The following DNM3 variants were observed in gnomAD, a reference collection of about 807,000 sequenced individuals.
DNM3 encodes dynamin-3.
DNM3 carries 47 observed loss-of-function variants against 101.6 expected under a neutral mutation model. The ratio of observed to expected loss-of-function variants is 0.46; its 90% CI spans 0.37 to 0.59. The LOEUF (loss-of-function observed/expected upper bound fraction) is 0.59. Among genes scored for constraint, DNM3 ranks in the 20% least tolerant of loss-of-function variants. DNM3 has a pLI of 0.00. For missense variants in DNM3, 849 were observed against 1,085.7 expected (o/e 0.78, Z 3.06); for synonymous variants, 385 against 387.9 (o/e 0.99, Z 0.09).
chr1:172,400,468 C>A (rs115463862), intron 20 of DNM3, among the ~76,000 whole-genome samples: 2,021 of 151,662 alleles, frequency 0.013, 50 homozygotes, highest in African/African-American at 0.046. Context: ...AGGGGCAGGA[C>A]AGGAGAAAAG....
intron 10 of DNM3, among the ~76,000 whole-genome samples, chr1:172,054,538 G>A (rs540063354): frequency 6.6e-6 from 1 of 151,934 alleles, no homozygotes; most frequent in South Asian, 2.1e-4. Flanking sequence ...TAGCAACTGT[G>A]CCATTTACTG....
chr1:172,201,982 G>A (rs1261952241), intron 14 of DNM3, among the ~76,000 whole-genome samples: 5 of 152,182 alleles, frequency 3.3e-5, no homozygotes, highest in Admixed American at 2.6e-4. Flanking sequence ...CCTGCAAGAA[G>A]GAGGTTCCCC....
rs115523021 is a variant in DNM3, at chr1:172,397,539, A to G, written c.2522+8730A>G. Among the ~76,000 whole-genome samples the G allele has an allele frequency of 9.1e-3, 1,393 of 152,306 alleles. 29 individuals are homozygous for G. Among genetic ancestry groups the G allele is most frequent in the African/African-American group, 0.032 (1,317 of 41,568 alleles). ...CTACAGTTCAGTTCGGGAATCTTTA[A>G]TGAAGGATATTGATATAATTGCTTG... is the stretch of plus-strand genomic sequence containing the variant. On this transcript the variant is annotated intron_variant, in intron 20 of 20. Transcript: ENST00000627582.
At chr1:172,337,551 A>G (rs2066483738) in intron 17 of DNM3, among the ~76,000 whole-genome samples, 1 of 152,244 alleles carries the variant, frequency 6.6e-6, no homozygotes, top group African/African-American at 2.4e-5. Context: ...GGATAAAGAA[A>G]CATGTAAAAG....
chr1:172,136,998 G>A (rs2057271501), intron 14 of DNM3: 1 of 152,142 alleles, frequency 6.6e-6, no homozygotes, highest in Non-Finnish European at 1.5e-5. Flanking sequence ...TTATCCTGGA[G>A]TGCCTCACCT....
At chr1:171,880,634 C>G (rs1485020650) in intron 1 of DNM3, among the ~76,000 whole-genome samples, 3 of 152,110 alleles carry the variant, frequency 2.0e-5, no homozygotes, top group African/African-American at 7.2e-5. Context: ...GATAACTAGT[C>G]TAACCCAAGG....
At chr1:171,892,608 A>G (rs780919624) in intron 1 of DNM3, among the ~76,000 whole-genome samples, 3 of 152,232 alleles carry the variant, frequency 2.0e-5, no homozygotes, top group Non-Finnish European at 4.4e-5. Flanking sequence ...GTTGCCATCC[A>G]TCCACTTAAT....
Position 172,409,745 on chromosome 1 carries a change from T to TC in DNM3, c.*1904_*1905insC. 1 of 933,158 alleles carries TC rather than the reference T, an allele frequency of 1.1e-6. No individual in the cohort carries two copies. Among genetic ancestry groups the TC allele is most frequent in the Non-Finnish European group, 1.2e-6 (1 of 804,812 alleles). 57.8% of individuals were successfully genotyped at this position (933,158 alleles called of 1,614,324 possible). A position where few individuals can be genotyped will look rare whatever the true frequency, so the allele number is the denominator to read the frequency against. On this transcript the variant is annotated 3_prime_UTR_variant, in exon 21 of 21. Transcript: ENST00000627582. ...TGAGATCTTTTTATAAAACTTCTTG[T>TC]TTTTAGGATTCCCTTTGCTTCTTCC...
At chr1:172,222,831 A>G (rs1172872382) in intron 14 of DNM3, among the ~76,000 whole-genome samples, 1 of 152,190 alleles carries the variant, frequency 6.6e-6, no homozygotes, top group Non-Finnish European at 1.5e-5. Context: ...CAGAAGAGAT[A>G]TAACTTGCTC....
chr1:171,871,538 T>C (rs753989187), intron 1 of DNM3, among the ~76,000 whole-genome samples: 4 of 152,204 alleles, frequency 2.6e-5, no homozygotes, highest in Non-Finnish European at 5.9e-5. Flanking sequence ...TCGCAAGAAC[T>C]GTAGGATGTT....
chr1:172,025,767 A>G (rs1375609141), intron 4 of DNM3, among the ~76,000 whole-genome samples: 1 of 152,184 alleles, frequency 6.6e-6, no homozygotes, highest in Non-Finnish European at 1.5e-5. Flanking sequence ...CAACGTCAAC[A>G]AAAAGGACAT....
chr1:172,378,340 C>A (rs750278984), intron 17 of DNM3: 10 of 151,980 alleles, frequency 6.6e-5, no homozygotes, highest in African/African-American at 1.7e-4. Flanking sequence ...CAAATAAATT[C>A]TTTGTGTATA....
At chr1:172,259,202 T>G (rs1217324511) in intron 15 of DNM3, among the ~76,000 whole-genome samples, 1 of 152,116 alleles carries the variant, frequency 6.6e-6, no homozygotes, top group African/African-American at 2.4e-5. Flanking sequence ...GTGTGCTGAT[T>G]AAGAATAATG....
intron 2 of DNM3, among the ~76,000 whole-genome samples, chr1:171,961,565 T>C (rs2043211422): frequency 6.6e-6 from 1 of 152,132 alleles, no homozygotes; most frequent in African/African-American, 2.4e-5. Context: ...AAACATACAA[T>C]TAACTATAAT....
At chr1:172,129,450 T>TA (rs1167819955) in intron 13 of DNM3, among the ~76,000 whole-genome samples, 3 of 152,190 alleles carry the variant, frequency 2.0e-5, no homozygotes, top group African/African-American at 4.8e-5. Context: ...CATACTGTAT[T>TA]AGTCTGTCTT....
At chr1:172,403,793 C>T (rs1269666604) in intron 20 of DNM3, among the ~76,000 whole-genome samples, 1 of 152,120 alleles carries the variant, frequency 6.6e-6, no homozygotes, top group African/African-American at 2.4e-5. Flanking sequence ...AATATAATGC[C>T]TTACTTAACG....
chr1:171,976,812 T>A (rs2044408140), intron 2 of DNM3, among the ~76,000 whole-genome samples: 1 of 152,226 alleles, frequency 6.6e-6, no homozygotes, highest in Non-Finnish European at 1.5e-5. Flanking sequence ...TCTTTAAAAA[T>A]TTTTTAGTTA....
At chr1:172,234,475 T>C (rs987823453) in intron 14 of DNM3, among the ~76,000 whole-genome samples, 1 of 152,124 alleles carries the variant, frequency 6.6e-6, no homozygotes, top group African/African-American at 2.4e-5. Context: ...AATTTACAGA[T>C]TCAATGCCAT....
At chr1:172,076,245 A>G (rs1050138677) in intron 11 of DNM3, among the ~76,000 whole-genome samples, 1 of 152,240 alleles carries the variant, frequency 6.6e-6, no homozygotes, top group Non-Finnish European at 1.5e-5. Flanking sequence ...TAAATATACA[A>G]TCATGTCATC....
Sources: allele counts gnomAD v4.1 joint callset (sites outside exome capture counted in the v4.1 genomes callset), GRCh38; gene constraint gnomAD v4.1.1; transcripts MANE v1.5; gene names NCBI Gene and HGNC (gene_info 2026-07-23, HGNC 2026-07-21).